CCSER1: variants seen among roughly 807,000 people sequenced by gnomAD.
CCSER1 encodes coiled-coil serine rich protein 1, also known as serine-rich coiled-coil domain-containing protein 1.
CCSER1 carries 41 observed loss-of-function variants against 82.0 expected under a neutral mutation model. That is an observed-to-expected ratio of 0.50 (90% CI 0.39 to 0.65). The LOEUF (loss-of-function observed/expected upper bound fraction) is 0.65, where lower values mean the gene tolerates loss of function less well. Among genes scored for constraint, CCSER1 ranks in the 30% least tolerant of loss-of-function variants. CCSER1 has a pLI of 0.00. For missense variants in CCSER1, 1,119 were observed against 1,064.2 expected (o/e 1.05, Z -0.72); for synonymous variants, 414 against 383.9 (o/e 1.08, Z -0.92).
At chr4:90,893,720 A>G (rs781513046) in intron 8 of CCSER1, among the ~76,000 whole-genome samples, 3 of 151,644 alleles carry the variant, frequency 2.0e-5, no homozygotes, top group Admixed American at 6.6e-5. Context: ...CCAGCAATCC[A>G]TGCAAGTTGG....
intron 1 of CCSER1, among the ~76,000 whole-genome samples, chr4:90,199,401 C>A (rs1333240090): frequency 6.6e-6 from 1 of 152,124 alleles, no homozygotes; most frequent in East Asian, 1.9e-4. Flanking sequence ...CCTATTTAAT[C>A]ATTTCATTAC....
At chr4:90,929,938 T>C (rs1358695678) in intron 9 of CCSER1, among the ~76,000 whole-genome samples, 1 of 152,220 alleles carries the variant, frequency 6.6e-6, no homozygotes, top group African/African-American at 2.4e-5. Context: ...ATTTAATCAT[T>C]CCACATTGTA....
intron 8 of CCSER1, among the ~76,000 whole-genome samples, chr4:90,909,916 T>A (rs1338462011): frequency 6.6e-6 from 1 of 152,216 alleles, no homozygotes; most frequent in Non-Finnish European, 1.5e-5. Flanking sequence ...TCACATTGTA[T>A]TAGTTCATTT....
rs561017451 is a variant in CCSER1, at chr4:91,285,253, T to G, written c.2217+199259T>G. On this transcript the variant is annotated intron_variant, in intron 10 of 10. Transcript: ENST00000509176. ...ATAGCAAAAACTTCAATGGGTTTTT[T>G]TTTTTTTTTTTAAGATGTGTCTCTT... Among the ~76,000 whole-genome samples, 121 of 151,670 alleles carry G rather than the reference T, an allele frequency of 8.0e-4. 1 individual carries two copies. Among genetic ancestry groups the G allele is most frequent in the African/African-American group, 2.8e-3 (114 of 41,446 alleles).
chr4:91,538,698 C>CATATATTATATATATATATAATATATAT lies in CCSER1; in HGVS notation c.2218-59868_2218-59867insTATATATATATATAATATATATATATAT. 9.0e-3 allele frequency among the ~76,000 whole-genome samples: 1,248 copies of CATATATTATATATATATATAATATATAT among 138,300 alleles called. 13 individuals carry two copies. Among genetic ancestry groups the CATATATTATATATATATATAATATATAT allele is most frequent in the Non-Finnish European group, 0.013 (847 of 65,320 alleles). The allele number at this position is 138,300 out of a possible 152,430, so 90.7% of individuals were successfully genotyped here. A position where few individuals can be genotyped will look rare whatever the true frequency, so the allele number is the denominator to read the frequency against. ...ATATATGATATATATTATATATACA[C>CATATATTATATATATATATAATATATAT]ATATATATATATAATATCTCAGTGC... On this transcript the variant is annotated intron_variant, in intron 10 of 10. Coordinates refer to ENST00000509176, the MANE Select transcript of CCSER1 (RefSeq NM_001145065.2).
chr4:90,243,332 T>C (rs996112862), intron 1 of CCSER1, among the ~76,000 whole-genome samples: 7 of 152,016 alleles, frequency 4.6e-5, no homozygotes, highest in Admixed American at 2.0e-4. Context: ...CACTGCAACC[T>C]CCGTCTCCCG....
At chr4:90,349,291 G>A (rs1021084163) in intron 3 of CCSER1, among the ~76,000 whole-genome samples, 6 of 151,990 alleles carry the variant, frequency 3.9e-5, no homozygotes, top group Non-Finnish European at 5.9e-5. Context: ...TAAATACGTG[G>A]CAAAATAATT....
intron 8 of CCSER1, among the ~76,000 whole-genome samples, chr4:90,831,211 A>T (rs1342507798): frequency 6.6e-6 from 1 of 152,116 alleles, no homozygotes; most frequent in East Asian, 1.9e-4. Flanking sequence ...CATTATGGAG[A>T]AAGGAAGGTA....
intron 5 of CCSER1, among the ~76,000 whole-genome samples, chr4:90,581,139 A>G (rs1166894258): frequency 6.6e-6 from 1 of 152,118 alleles, no homozygotes; most frequent in East Asian, 1.9e-4. Flanking sequence ...TAATAAATAT[A>G]TAGTAGGATA....
chr4:90,723,837 T>C (rs1022471255), intron 6 of CCSER1, 77 bp from the exon 7 acceptor site: 2 of 599,912 alleles, frequency 3.3e-6, no homozygotes, highest in Non-Finnish European at 5.4e-6. Flanking sequence ...TAATGATTTA[T>C]TTATTTTTCT....
chr4:90,546,095 A>C (rs1413991828), intron 5 of CCSER1, among the ~76,000 whole-genome samples: 4 of 149,466 alleles, frequency 2.7e-5, no homozygotes, highest in African/African-American at 1.0e-4. Context: ...TAGCCTTCAC[A>C]CCCAGAAGCA....
intron 9 of CCSER1, among the ~76,000 whole-genome samples, chr4:91,050,390 C>T (rs775178786): frequency 6.7e-6 from 1 of 149,058 alleles, no homozygotes; most frequent in Admixed American, 6.7e-5. Flanking sequence ...GAGATTGCGC[C>T]ACTGCACTCC....
chr4:90,887,732 ATTAG>A (rs979300690), intron 8 of CCSER1, among the ~76,000 whole-genome samples: 4 of 152,128 alleles, frequency 2.6e-5, no homozygotes, highest in African/African-American at 7.2e-5. Flanking sequence ...AAATACAAGA[ATTAG>A]TTAGGCGTGG....
intron 3 of CCSER1, among the ~76,000 whole-genome samples, chr4:90,328,368 A>G (rs1010621109): frequency 6.6e-6 from 1 of 151,736 alleles, no homozygotes; most frequent in Non-Finnish European, 1.5e-5. Flanking sequence ...TGCTATTGTA[A>G]TTTTTGTTTT....
chr4:90,283,120 T>C (rs1729169564), intron 1 of CCSER1, among the ~76,000 whole-genome samples: 1 of 151,992 alleles, frequency 6.6e-6, no homozygotes, highest in South Asian at 2.1e-4. Flanking sequence ...TATCTAGTGA[T>C]AACATGTTTT....
At chr4:90,278,170 C>CAAAAAAT (rs1283158986) in intron 1 of CCSER1, among the ~76,000 whole-genome samples, 1 of 151,906 alleles carries the variant, frequency 6.6e-6, no homozygotes, top group East Asian at 1.9e-4. Context: ...GTTGAAAAGT[C>CAAAAAAT]AAAAAATGGC....
intron 4 of CCSER1, among the ~76,000 whole-genome samples, chr4:90,451,597 A>C (rs1462162904): frequency 6.6e-6 from 1 of 152,212 alleles, no homozygotes. Context: ...AAGCTGGTAG[A>C]TGAAGCTTGC....
At chr4:91,441,435 A>C (rs1457117225) in intron 10 of CCSER1, among the ~76,000 whole-genome samples, 1 of 152,278 alleles carries the variant, frequency 6.6e-6, no homozygotes, top group East Asian at 1.9e-4. Flanking sequence ...TCATGCTAAA[A>C]ATTCTCAATA....
Position 91,316,295 on chromosome 4 carries a change from A to G in CCSER1, c.2217+230301A>G, listed in dbSNP as rs190306663. 1.2e-3 allele frequency among the ~76,000 whole-genome samples: 175 copies of G among 152,130 alleles called. 1 individual carries two copies. The highest frequency in any genetic ancestry group is 4.4e-5 in the Non-Finnish European group (3 of 67,950). On this transcript the variant is annotated intron_variant, in intron 10 of 10. Coordinates refer to ENST00000509176, the MANE Select transcript of CCSER1 (RefSeq NM_001145065.2). ...TTATGAGGGTCATTTATATTAGTAA[A>G]TTCAAAGAACATGGAACAATGCCTG...
Sources: gnomAD v4.1 joint callset for allele counts (sites outside exome capture counted in the v4.1 genomes callset) on GRCh38, gnomAD v4.1.1 for gene constraint, MANE v1.5 for transcripts, NCBI Gene and HGNC (gene_info 2026-07-23, HGNC 2026-07-21) for gene names.